The following TELO2 variants were observed in gnomAD, a reference collection of about 807,000 sequenced individuals.
TELO2 encodes telomere maintenance 2, also known as telomere length regulation protein TEL2 homolog.
TELO2 carries 71 observed loss-of-function variants against 91.0 expected under a neutral mutation model. The ratio of observed to expected loss-of-function variants is 0.78; its 90% CI spans 0.64 to 0.95. The LOEUF is 0.95. Ranked by LOEUF, TELO2 falls within the 40% of genes least tolerant of loss-of-function variation. TELO2 has a pLI of 0.00. For missense variants in TELO2, 1,183 were observed against 1,141.3 expected (o/e 1.04, Z -0.53); for synonymous variants, 584 against 518.9 (o/e 1.13, Z -1.71).
At chr16:1,506,449 G>A (rs1365593074) in intron 17 of TELO2, 120 bp downstream of exon 17, 1 of 1,569,744 alleles carries the variant, frequency 6.4e-7, no homozygotes, top group Non-Finnish European at 8.7e-7. Flanking sequence ...GTCGTGCTTT[G>A]CTGTGGCTTT....
At position 1,497,511 on chromosome 16, in the gene TELO2, A is replaced by G. The variant is rs1261639027; in HGVS notation, c.830+3A>G. ...GGGCTGGTGGAGGCCGCACTGGGGT[A>G]AGCAGCCAGGCTGTCCTCCAGCTGC... is the stretch of plus-strand genomic sequence containing the variant. On this transcript the variant is annotated splice_donor_region_variant and intron_variant, in intron 5 of 20. Coordinates refer to ENST00000262319, the MANE Select transcript of TELO2 (RefSeq NM_016111.4). The surrounding 1 kb of genome is among the most constrained non-coding windows in gnomAD (Gnocchi z 4.0). The G allele has an allele frequency of 8.4e-6, 13 of 1,555,490 alleles. No individual in the cohort carries two copies. Among genetic ancestry groups the G allele is most frequent in the Non-Finnish European group, 1.1e-5 (13 of 1,154,222 alleles).
rs2039759842 is a variant in TELO2 at position 1,502,988 on chromosome 16, A to G, written c.1828A>G (p.Met610Val). ...YALNYSLRQR[M>V]DILDVLTLAA... ...CCTCAACTACAGCCTCCGGCAGCGC[A>G]TGGACATCCTGGATGTAAGTGCCTC... The change falls in exon 15 of 21, where the codon ATG becomes GTG. Residue 610 changes from methionine (M) to valine (V), a missense_variant. By Grantham distance (21) the Met-to-Val change is conservative. Transcript: ENST00000262319. 1.9e-6 allele frequency: 3 copies of G among 1,610,842 alleles called. No homozygotes were observed. Among genetic ancestry groups the G allele is most frequent in the African/African-American group, 2.7e-5 (2 of 74,938 alleles).
Position 1,501,726 on chromosome 16 carries a change from C to T in TELO2, c.1425C>T (p.Gly475=), listed in dbSNP as rs372121074. 3.7e-5 allele frequency: 60 copies of T among 1,611,856 alleles called. No homozygotes were observed. Among genetic ancestry groups the T allele is most frequent in the African/African-American group, 1.3e-4 (10 of 74,914 alleles). Residue 475 remains glycine (G), a synonymous_variant, in exon 11 of 21, where the codon GGC becomes GGT. Coordinates refer to ENST00000262319, the MANE Select transcript of TELO2 (RefSeq NM_016111.4). ...PAETPAEIVD[G]GVPQAQLAGS... Reference sequence around the variant, plus strand: ...AGACCCCCGCAGAGATCGTGGATGGCGGCGTCCCCCAAGCACAGCTGGCGG... The same window carrying T: ...AGACCCCCGCAGAGATCGTGGATGGTGGCGTCCCCCAAGCACAGCTGGCGG...
At chr16:1,498,848 G>C (rs2039580356) in intron 5 of TELO2, among the ~76,000 whole-genome samples, 1 of 152,150 alleles carries the variant, frequency 6.6e-6, no homozygotes, top group South Asian at 2.1e-4. Context: ...TTTCAGTCTG[G>C]ACCAGGGGCC....
At position 1,494,663 on chromosome 16, in the gene TELO2, G is replaced by A; in HGVS notation, c.335+47G>A. 6.4e-7 allele frequency: 1 copy of A among 1,554,362 alleles called. No individual in the cohort carries two copies. The highest frequency in any genetic ancestry group is 8.7e-7 in the Non-Finnish European group (1 of 1,147,880). ...TGGGGTTGCCGGTAGCCTCAGAAGT[G>A]ATGAGAGTGGCTTGAAGGACTGGAC... On this transcript the variant is annotated intron_variant, in intron 2 of 20. Coordinates refer to ENST00000262319, the MANE Select transcript of TELO2 (RefSeq NM_016111.4). The surrounding 1 kb of genome is among the most constrained non-coding windows in gnomAD (Gnocchi z 5.6).
chr16:1,504,551 CT>C (rs1169712120), intron 15 of TELO2, among the ~76,000 whole-genome samples: 342 of 79,368 alleles, frequency 4.3e-3, no homozygotes, highest in African/African-American at 0.013. Context: ...CGTAACTGGT[CT>C]TTTTTTTTTT....
intron 6 of TELO2, 23 bp downstream of exon 6, chr16:1,499,356 AGGCTGCT>A: frequency 6.2e-7 from 1 of 1,612,100 alleles, no homozygotes. Context: ...CGGAGGGTGC[AGGCTGCT>A]GGCTGCCCCA....
chr16:1,503,859 C>T (rs1025716460), intron 15 of TELO2, among the ~76,000 whole-genome samples: 2 of 152,110 alleles, frequency 1.3e-5, no homozygotes. Flanking sequence ...GGGCTGGGCG[C>T]GGCGGCTCAT....
chr16:1,498,534 C>G (rs1024061436), intron 5 of TELO2, among the ~76,000 whole-genome samples: 1 of 151,844 alleles, frequency 6.6e-6, no homozygotes, highest in African/African-American at 2.4e-5. Context: ...ACCTCCTGGG[C>G]TCCAGCGATC....
At chr16:1,503,457 G>A (rs755561900) in intron 15 of TELO2, among the ~76,000 whole-genome samples, 48 of 152,122 alleles carry the variant, frequency 3.2e-4, no homozygotes, top group Non-Finnish European at 5.9e-4. Flanking sequence ...AGGCTGGGGT[G>A]GGAGGATCCC....
chr16:1,505,572 A>T lies in TELO2; in HGVS notation c.2005A>T (p.Ile669Phe). 3 of 1,612,440 alleles carry T rather than the reference A, an allele frequency of 1.9e-6. No homozygotes were observed. The highest frequency in any genetic ancestry group is 2.5e-6 in the Non-Finnish European group (3 of 1,179,884). The change falls in exon 16 of 21, where the codon ATC becomes TTC. Residue 669 changes from isoleucine (I) to phenylalanine (F), a missense_variant. Coordinates refer to ENST00000262319, the MANE Select transcript of TELO2 (RefSeq NM_016111.4). This position sits in a 1 kb window ranked among gnomAD's most constrained non-coding sequence, Gnocchi z 4.3. The part of the protein sequence containing the change: ...SDWRVVVEER[I>F]RSKTQRLSKG... ...CTGGCGGGTGGTGGTGGAGGAGCGG[A>T]TCAGAAGCAAGACCCAGCGGCTCTC...
At chr16:1,496,689 C>G (rs772288119) in intron 3 of TELO2, among the ~76,000 whole-genome samples, 8 of 152,318 alleles carry the variant, frequency 5.3e-5, no homozygotes, top group African/African-American at 1.9e-4. Context: ...GTCTCATGCC[C>G]GGCTCAGGGC....
At chr16:1,500,029 C>T (rs1013615926) in intron 6 of TELO2, 67 bp from the exon 7 acceptor site, 11 of 1,545,440 alleles carry the variant, frequency 7.1e-6, no homozygotes, top group African/African-American at 1.4e-5. Flanking sequence ...GGCTCTTGGC[C>T]TTGGGAGCCC....
At chr16:1,502,255 T>C in intron 12 of TELO2, 58 bp from the exon 13 acceptor site, 1 of 1,566,568 alleles carries the variant, frequency 6.4e-7, no homozygotes, top group Non-Finnish European at 8.7e-7. Context: ...TGCTGCTGGC[T>C]CTCATGGGTT....
At position 1,495,450 on chromosome 16, in the gene TELO2, C is replaced by G; in HGVS notation, c.440C>G (p.Pro147Arg). The G allele has an allele frequency of 6.2e-7, 1 of 1,607,088 alleles. No homozygotes were observed. The highest frequency in any genetic ancestry group is 8.5e-7 in the Non-Finnish European group (1 of 1,178,128). ...MEAQCRQQTQPGFILLRETLL... is the reference protein window; with the variant it reads ...MEAQCRQQTQRGFILLRETLL... ...GCGCAGTGTCGGCAGCAGACGCAGC[C>G]CGGCTTCATCCTGCTCCGGGAGACG... Residue 147 changes from proline to arginine, a missense_variant, in exon 3 of 21, where the codon CCC becomes CGC. By Grantham distance (103) the Pro-to-Arg change is moderately radical (BLOSUM62 -2). Coordinates refer to ENST00000262319, the MANE Select transcript of TELO2 (RefSeq NM_016111.4).
Position 1,509,794 on chromosome 16 carries a change from G to A in TELO2, c.2408-36G>A, listed in dbSNP as rs752013836. ...GGAGGAGGGAGAATACGCCCTCCAC[G>A]CTGCCTCAGCTTTGCTTGTCACTCT... On this transcript the variant is annotated intron_variant, in intron 20 of 20. Coordinates refer to ENST00000262319, the MANE Select transcript of TELO2 (RefSeq NM_016111.4). The A allele has an allele frequency of 2.2e-5, 35 of 1,574,914 alleles. 1 individual carries two copies. The South Asian group carries it at 2.6e-4, about 12-fold the overall frequency.
In TELO2 at chr16:1,497,036, G is replaced by C; in HGVS notation, c.614G>C (p.Gly205Ala). 2 of 1,613,876 alleles carry C rather than the reference G, an allele frequency of 1.2e-6. No individual in the cohort carries two copies. Among genetic ancestry groups the C allele is most frequent in the South Asian group, 2.2e-5 (2 of 91,046 alleles). ...VLQAVVDSLQ[G>A]GLDSSVSFVS... is the part of the protein sequence containing the mutation. ...CATCAGGCCTCCCTTTCTGTCCCAGGTGGCCTGGATTCCTCCGTGTCCTTC... is the reference window on the plus strand; with the variant it reads ...CATCAGGCCTCCCTTTCTGTCCCAGCTGGCCTGGATTCCTCCGTGTCCTTC... The change falls in exon 4 of 21, where the codon GGT becomes GCT. Residue 205 changes from glycine (G) to alanine (A), a missense_variant and splice_region_variant. Gly to Ala is a moderately conservative substitution (Grantham distance 60). Transcript: ENST00000262319. This position sits in a 1 kb window ranked among gnomAD's most constrained non-coding sequence, Gnocchi z 4.0.
Position 1,500,673 on chromosome 16 carries a change from C to A in TELO2, c.1255C>A (p.Pro419Thr). The A allele has an allele frequency of 6.2e-7, 1 of 1,612,530 alleles. No individual in the cohort carries two copies. Residue 419 changes from proline (P) to threonine (T), a missense_variant, in exon 9 of 21, where the codon CCC becomes ACC. Pro to Thr is a conservative substitution (Grantham distance 38). Transcript: ENST00000262319. ...AGAGGTCGTTAGTGCCCGGATCCAC[C>A]CCGAGGGGCCTCCCCTGAAATTCCA... is the stretch of plus-strand genomic sequence containing the variant. The part of the protein sequence containing the change: ...VAEVVSARIH[P>T]EGPPLKFQYE...
chr16:1,502,806 G>A (rs2039746420), intron 14 of TELO2, 45 bp downstream of exon 14: 1 of 1,604,134 alleles, frequency 6.2e-7, no homozygotes. Context: ...GGCACAGCGG[G>A]AAGCACTGGG....
Sources: allele counts gnomAD v4.1 joint callset (sites outside exome capture counted in the v4.1 genomes callset), GRCh38; gene constraint gnomAD v4.1.1; non-coding constraint Gnocchi (gnomAD v3.1); transcripts MANE v1.5; gene names NCBI Gene and HGNC (gene_info 2026-07-23, HGNC 2026-07-21).